Variants in POMT2 observed in about 807,000 individuals in gnomAD.
The protein encoded by POMT2 is protein O-mannosyl-transferase 2.
In POMT2, 75 loss-of-function variants were observed where a neutral mutation model predicts 100.0. The observed-to-expected ratio is 0.75, with a 90% confidence interval of 0.62 to 0.91. The LOEUF (loss-of-function observed/expected upper bound fraction) is 0.91. Among genes scored for constraint, POMT2 ranks in the 40% least tolerant of loss-of-function variants. The pLI is 0.00. For synonymous variants in POMT2, 378 were observed against 374.1 expected (o/e 1.01, Z -0.12); for missense variants, 940 against 955.1 (o/e 0.98, Z 0.21).
At position 77,276,249 on chromosome 14, in the gene POMT2, T is replaced by C. The variant is rs1889945602; in HGVS notation, c.*1127A>G. 1.3e-5 allele frequency: 2 copies of C among 152,576 alleles called. No homozygotes were observed. The highest frequency in any genetic ancestry group is 2.9e-5 in the Non-Finnish European group (2 of 68,046). 9.5% of individuals were successfully genotyped at this position (152,576 alleles called of 1,614,324 possible). ...CTGCAGAGTGGTAGACGCAGGAAGC[T>C]GGCATGCATTTCTAGGTGCCATGGG... On this transcript the variant is annotated 3_prime_UTR_variant, in exon 21 of 21. Coordinates refer to ENST00000261534, the MANE Select transcript of POMT2 (RefSeq NM_013382.7).
intron 12 of POMT2, among the ~76,000 whole-genome samples, chr14:77,286,192 G>GGCCAGAATCTGTAT (rs1177280370): frequency 6.6e-6 from 1 of 152,174 alleles, no homozygotes; most frequent in East Asian, 1.9e-4. Flanking sequence ...TCCACCTGAA[G>GGCCAGAATCTGTAT]GCCAGAATCT....
Position 77,277,214 on chromosome 14 carries a change from C to A in POMT2, c.*162G>T. ...GGCTCTCTCCCGGCTCTCTCCAATG[C>A]TGGGTTCCATTCCAGCTGCACTCCC... On this transcript the variant is annotated 3_prime_UTR_variant, in exon 21 of 21. Transcript: ENST00000261534. 1 of 673,930 alleles carries A rather than the reference C, an allele frequency of 1.5e-6. No homozygotes were observed. Among genetic ancestry groups the A allele is most frequent in the South Asian group, 1.6e-5 (1 of 60,934 alleles). The allele number at this position is 673,930 out of a possible 1,614,324, so 41.7% of individuals were successfully genotyped here.
At chr14:77,299,316 A>G in intron 7 of POMT2, 139 bp downstream of exon 7, 2 of 757,398 alleles carry the variant, frequency 2.6e-6, no homozygotes, top group Non-Finnish European at 4.6e-6. Flanking sequence ...AGAACATAGC[A>G]GGAAAGAAAC....
chr14:77,293,963 G>A (rs1157679646), intron 9 of POMT2, among the ~76,000 whole-genome samples: 1 of 152,148 alleles, frequency 6.6e-6, no homozygotes, highest in African/African-American at 2.4e-5. Context: ...TCTGCCCTGG[G>A]TGTACATGAC....
At position 77,285,494 on chromosome 14, in the gene POMT2, C is replaced by A; in HGVS notation, c.1471G>T (p.Val491Phe). Residue 491 changes from valine (V) to phenylalanine (F), a missense_variant, in exon 13 of 21, where the codon GTT (valine) becomes TTT (phenylalanine). Physicochemically the swap from Val to Phe is conservative, Grantham distance 50. Transcript: ENST00000261534. ...TGCVLGSSGK[V>F]LPKWGWEQLE... is the part of the protein sequence containing the mutation. ...CTAGAGACTTACCACTTGGGCAGAA[C>A]CTTTCCCGAGGAGCCCAGGACACAA... is the stretch of plus-strand genomic sequence containing the variant. 1.2e-6 allele frequency: 2 copies of A among 1,614,156 alleles called. No individual in the cohort carries two copies. Among genetic ancestry groups the A allele is most frequent in the Non-Finnish European group, 1.7e-6 (2 of 1,180,024 alleles).
chr14:77,291,373 G>A lies in POMT2; in HGVS notation c.1124C>T (p.Thr375Ile), dbSNP rs542912704. Residue 375 changes from threonine to isoleucine, a missense_variant, in exon 10 of 21, where the codon ACC becomes ATC. Physicochemically the swap from Thr to Ile is moderately conservative, Grantham distance 89. Coordinates refer to ENST00000261534, the MANE Select transcript of POMT2 (RefSeq NM_013382.7). ...GIGARQQQVT[T>I]YLHKDYNNLW... ...GTTGTTGTAGTCCTTGTGCAAATAG[G>A]TGGTGACCTGGGTGGGGGGTGGGGG... The A allele has an allele frequency of 1.4e-5, 17 of 1,210,868 alleles. No individual in the cohort carries two copies. The highest frequency in any genetic ancestry group is 1.8e-5 in the Non-Finnish European group (16 of 893,628). The allele number at this position is 1,210,868 out of a possible 1,614,324, so 75.0% of individuals were successfully genotyped here.
chr14:77,285,510 C>T lies in POMT2; in HGVS notation c.1455G>A (p.Leu485=), dbSNP rs201326532. 1 of 1,614,146 alleles carries T rather than the reference C, an allele frequency of 6.2e-7. No individual in the cohort carries two copies. The highest frequency in any genetic ancestry group is 8.5e-7 in the Non-Finnish European group (1 of 1,180,040). ...RFIHLVTGCV[L]GSSGKVLPKW... Reference sequence around the variant, plus strand: ...TGGGCAGAACCTTTCCCGAGGAGCCCAGGACACAACCTGTGACCAAATGGA... The same window carrying T: ...TGGGCAGAACCTTTCCCGAGGAGCCTAGGACACAACCTGTGACCAAATGGA... The change falls in exon 13 of 21, where the codon CTG becomes CTA. Residue 485 remains leucine, a synonymous_variant. Transcript: ENST00000261534.
At chr14:77,311,802 G>GAA (rs1891442514) in intron 2 of POMT2, 147 bp downstream of exon 2, 1 of 1,338,960 alleles carries the variant, frequency 7.5e-7, no homozygotes, top group Admixed American at 3.0e-5. Flanking sequence ...GATTTTCCAT[G>GAA]AAAGTAGCTG....
rs17105658 is a variant in POMT2 at position 77,283,668 on chromosome 14, G to A, written c.1653+129C>T. On this transcript the variant is annotated intron_variant, in intron 15 of 20. Transcript: ENST00000261534. ...ATGCCTTTGAGGATCACAGAAAACCGTAGTAAAGATGCTTTCAAATTCCTC... is the reference window on the plus strand; with the variant it reads ...ATGCCTTTGAGGATCACAGAAAACCATAGTAAAGATGCTTTCAAATTCCTC... 0.025 allele frequency: 21,492 copies of A among 854,934 alleles called. 374 individuals are homozygous for A. The highest frequency in any genetic ancestry group is 0.064 in the Middle Eastern group (212 of 3,322). 53.0% of individuals were successfully genotyped at this position (854,934 alleles called of 1,614,324 possible). A position where few individuals can be genotyped will look rare whatever the true frequency, so the allele number is the denominator to read the frequency against.
chr14:77,289,919 G>A (rs1047352873), intron 10 of POMT2, among the ~76,000 whole-genome samples: 3 of 152,156 alleles, frequency 2.0e-5, no homozygotes, highest in African/African-American at 4.8e-5. Context: ...ATCAAGGTCA[G>A]GAAAGATAAA....
At chr14:77,281,309 A>G (rs546462704) in intron 15 of POMT2, among the ~76,000 whole-genome samples, 1 of 152,156 alleles carries the variant, frequency 6.6e-6, no homozygotes, top group East Asian at 1.9e-4. Context: ...TTCTCCCTAA[A>G]CACACTCCAT....
At chr14:77,314,436 A>G (rs1891553775) in intron 1 of POMT2, among the ~76,000 whole-genome samples, 1 of 152,212 alleles carries the variant, frequency 6.6e-6, no homozygotes, top group African/African-American at 2.4e-5. Context: ...GTCTTCTGTC[A>G]GCATGCAAAA....
chr14:77,300,013 G>T, intron 6 of POMT2: 1 of 255,676 alleles, frequency 3.9e-6, no homozygotes, highest in South Asian at 4.8e-5. Flanking sequence ...CTGGCCGAGT[G>T]CCCTTTTCTG....
chr14:77,291,306 C>T lies in POMT2; in HGVS notation c.1183+8G>A, dbSNP rs1004431503. ...AGCACAAGAAGCATCAGTCTCTGAC[C>T]ACATTACCTGAGTTTGTGTTATGTT... is the stretch of plus-strand genomic sequence containing the variant. On this transcript the variant is annotated splice_region_variant and intron_variant, in intron 10 of 20. Coordinates refer to ENST00000261534, the MANE Select transcript of POMT2 (RefSeq NM_013382.7). 2 of 1,606,170 alleles carry T rather than the reference C, an allele frequency of 1.2e-6. No individual in the cohort carries two copies. Among genetic ancestry groups the T allele is most frequent in the Non-Finnish European group, 1.7e-6 (2 of 1,177,872 alleles).
chr14:77,279,138 C>A, intron 18 of POMT2: 1 of 535,842 alleles, frequency 1.9e-6, no homozygotes, highest in Non-Finnish European at 3.4e-6. Flanking sequence ...AACCCTTCTG[C>A]GCCTGCAGAC....
rs1891020183 is a variant in POMT2, at chr14:77,301,115, A to T, written c.791T>A (p.Leu264Gln). 6.2e-7 allele frequency: 1 copy of T among 1,614,114 alleles called. No homozygotes were observed. Among genetic ancestry groups the T allele is most frequent in the African/African-American group, 1.3e-5 (1 of 74,930 alleles). ...CAATGAAAGACTGAGGTCTCCGAAC[A>T]GGTACCAAAGGTCTGCAATGGTGTT... ...GLNTIADLWY[L>Q]FGDLSLSLVT... Residue 264 changes from leucine to glutamine, a missense_variant, in exon 6 of 21, where the codon CTG becomes CAG. Transcript: ENST00000261534.
At position 77,278,468 on chromosome 14, in the gene POMT2, GC is replaced by G; in HGVS notation, c.2072del (p.Gly691AlafsTer17). ...CCCTCGCCAGGGGCCATGAGGCCAA[GC>G]CCCAGGCACAGAGCCGCAGGAGGGT... Reference protein sequence around the residue: ...WDTLLRLCAWGLASWPLARGI... With the variant: ...WDTLLRLCAWXLASWPLARGI... On this transcript the variant is annotated frameshift_variant, in exon 20 of 21. Coordinates refer to ENST00000261534, the MANE Select transcript of POMT2 (RefSeq NM_013382.7). LOFTEE classifies it high-confidence loss of function. The G allele has an allele frequency of 6.6e-7, 1 of 1,506,042 alleles. No homozygotes were observed. The highest frequency in any genetic ancestry group is 9.0e-7 in the Non-Finnish European group (1 of 1,105,672). 93.3% of individuals were successfully genotyped at this position (1,506,042 alleles called of 1,614,324 possible). A position where few individuals can be genotyped will look rare whatever the true frequency, so the allele number is the denominator to read the frequency against.
At chr14:77,319,442 G>C (rs781029440) in intron 1 of POMT2, 19 of 152,258 alleles carry the variant, frequency 1.2e-4, no homozygotes, top group Middle Eastern at 6.8e-3. Flanking sequence ...CAGATTGCTC[G>C]TGCCTCTACA....
rs781452947 is a variant in POMT2, at chr14:77,320,712, C to A, written c.-31G>T. 1.9e-6 allele frequency: 3 copies of A among 1,588,254 alleles called. No individual in the cohort carries two copies. Among genetic ancestry groups the A allele is most frequent in the Non-Finnish European group, 2.6e-6 (3 of 1,176,058 alleles). The stretch of plus-strand genomic sequence containing the variant: ...CCCTCCTCTGGGTCGCCCTCCGGCC[C>A]GGAGGCACACTTTGTCTGACCAGCC... On this transcript the variant is annotated 5_prime_UTR_variant, in exon 1 of 21. Transcript: ENST00000261534.
Sources: gnomAD v4.1 joint callset for allele counts (sites outside exome capture counted in the v4.1 genomes callset) on GRCh38, gnomAD v4.1.1 for gene constraint, MANE v1.5 for transcripts, NCBI Gene and HGNC (gene_info 2026-07-23, HGNC 2026-07-21) for gene names.